Variants in CLIP1 observed in about 807,000 individuals in gnomAD.
CLIP1 encodes the protein CAP-Gly domain-containing linker protein 1.
In CLIP1, 66 loss-of-function variants were observed where a neutral mutation model predicts 161.6. The ratio of observed to expected loss-of-function variants is 0.41; its 90% CI spans 0.33 to 0.50. The LOEUF (loss-of-function observed/expected upper bound fraction) is 0.50, where lower values mean the gene tolerates loss of function less well. Ranked by LOEUF, CLIP1 falls within the 20% of genes least tolerant of loss-of-function variation. CLIP1 has a pLI of 0.27. For missense variants in CLIP1, 1,376 were observed against 1,702.0 expected, an observed-to-expected ratio of 0.81 and a Z score of 3.37; for synonymous variants, 598 against 626.2, an observed-to-expected ratio of 0.96 and a Z score of 0.67.
intron 17 of CLIP1, among the ~76,000 whole-genome samples, chr12:122,319,571 A>G (rs548254764): frequency 6.8e-4 from 103 of 152,368 alleles, no homozygotes; most frequent in Non-Finnish European, 6.0e-4. Flanking sequence ...CCATTTTTCA[A>G]TGTCAATTGT....
At chr12:122,306,529 A>T (rs1950880890) in intron 20 of CLIP1, among the ~76,000 whole-genome samples, 1 of 152,208 alleles carries the variant, frequency 6.6e-6, no homozygotes, top group Admixed American at 6.5e-5. Flanking sequence ...GCAGAAGCAC[A>T]CGATCCTGAC....
chr12:122,304,135 T>G (rs1226494163), intron 20 of CLIP1, among the ~76,000 whole-genome samples: 3 of 152,250 alleles, frequency 2.0e-5, no homozygotes, highest in South Asian at 2.1e-4. Flanking sequence ...GGTAAAATCC[T>G]GCGGTGGTGC....
intron 1 of CLIP1, among the ~76,000 whole-genome samples, chr12:122,406,539 A>G (rs1956334555): frequency 6.6e-6 from 1 of 152,224 alleles, no homozygotes; most frequent in Non-Finnish European, 1.5e-5. Flanking sequence ...GCTAACCTTA[A>G]GTGTTGATTT....
At chr12:122,321,874 T>C in intron 17 of CLIP1, among the ~76,000 whole-genome samples, 1 of 152,196 alleles carries the variant, frequency 6.6e-6, no homozygotes, top group East Asian at 1.9e-4. Context: ...GATTAAAAAA[T>C]AAATCCTTTT....
intron 1 of CLIP1, among the ~76,000 whole-genome samples, chr12:122,421,751 T>C (rs1314639465): frequency 1.3e-5 from 2 of 152,136 alleles, no homozygotes; most frequent in Non-Finnish European, 2.9e-5. Flanking sequence ...GGATTCAGGA[T>C]TCACCCCCGA....
Position 122,276,543 on chromosome 12 carries a change from A to T in CLIP1, c.3966+1611T>A. The T allele has an allele frequency of 6.6e-6, 8 of 1,213,736 alleles. No homozygotes were observed. The South Asian group carries it at 1.0e-4, about 16-fold the overall frequency. 75.2% of individuals were successfully genotyped at this position (1,213,736 alleles called of 1,614,324 possible). A position where few individuals can be genotyped will look rare whatever the true frequency, so the allele number is the denominator to read the frequency against. On this transcript the variant is annotated intron_variant, in intron 24 of 25. Transcript: ENST00000620786. ...CTGTTAGTTATTAAGCCCAGTAGACATACAAAGAGGACAATGCTAATCCAT... is the reference window on the plus strand; with the variant it reads ...CTGTTAGTTATTAAGCCCAGTAGACTTACAAAGAGGACAATGCTAATCCAT...
intron 3 of CLIP1, chr12:122,364,978 C>T (rs1017171781): frequency 2.2e-5 from 9 of 417,590 alleles, no homozygotes; most frequent in East Asian, 5.3e-5. Context: ...AGTAAACTAT[C>T]GCAAGGACAA....
At chr12:122,276,291 T>C (rs773017273) in intron 24 of CLIP1, 16 of 1,010,328 alleles carry the variant, frequency 1.6e-5, no homozygotes, top group African/African-American at 3.5e-5. Flanking sequence ...CCTTCACTTC[T>C]CAACGTGCAT....
chr12:122,326,639 G>A (rs887535935), intron 17 of CLIP1, among the ~76,000 whole-genome samples: 1 of 152,230 alleles, frequency 6.6e-6, no homozygotes, highest in East Asian at 1.9e-4. Context: ...TGACTGTGCC[G>A]CTGCACTCAG....
chr12:122,342,543 CT>C (rs1253835999), intron 10 of CLIP1: 2 of 152,138 alleles, frequency 1.3e-5, no homozygotes, highest in Non-Finnish European at 2.9e-5. Context: ...CACAAAATGT[CT>C]TGTGGGCCAA....
intron 20 of CLIP1, among the ~76,000 whole-genome samples, chr12:122,294,772 G>A (rs1288266319): frequency 6.6e-6 from 1 of 150,744 alleles, no homozygotes; most frequent in African/African-American, 2.4e-5. Context: ...AAATAGGGCC[G>A]GGTGCAGTGC....
At chr12:122,308,342 C>A (rs1366774580) in intron 20 of CLIP1, among the ~76,000 whole-genome samples, 3 of 152,202 alleles carry the variant, frequency 2.0e-5, no homozygotes, top group Admixed American at 6.5e-5. Flanking sequence ...CAGCACTTAG[C>A]CAAAGTCCTT....
intron 20 of CLIP1, 40 bp from the exon 21 acceptor site, chr12:122,288,581 C>A (rs554114276): frequency 1.9e-6 from 3 of 1,563,584 alleles, no homozygotes; most frequent in African/African-American, 2.7e-5. Flanking sequence ...CATAACCAGG[C>A]CACAGAAAGG....
intron 1 of CLIP1, among the ~76,000 whole-genome samples, chr12:122,387,590 ATTT>A (rs139790813): frequency 3.2e-4 from 2 of 6,266 alleles, no homozygotes; most frequent in African/African-American, 3.4e-4. Flanking sequence ...ATATATATAT[ATTT>A]TTTTTTTTTT....
rs1950959233 is a variant in CLIP1, at chr12:122,308,577, T to C, written c.3594+1185A>G. Among the ~76,000 whole-genome samples the C allele has an allele frequency of 3.9e-5, 6 of 152,330 alleles. No individual in the cohort carries two copies. The South Asian group carries it at 1.2e-3, about 32-fold the overall frequency. The stretch of plus-strand genomic sequence containing the variant: ...AGAAGATGACATCTCTTGACACTAG[T>C]CGCCAAATGATGCTGAACAAATTAC... On this transcript the variant is annotated intron_variant, in intron 20 of 25. Coordinates refer to ENST00000620786, the MANE Select transcript of CLIP1 (RefSeq NM_001247997.2).
rs1429365832 is a variant in CLIP1 at position 122,341,236 on chromosome 12, A to G, written c.1968T>C (p.Phe656=). Reference sequence around the variant, plus strand: ...TCTCTATTTGTGTTTTTAGTTCAGCAAATTCTGCCGTCTCTGTTCCAAGCC... The same window carrying G: ...TCTCTATTTGTGTTTTTAGTTCAGCGAATTCTGCCGTCTCTGTTCCAAGCC... ...SKGLGTETAE[F]AELKTQIEKM... is the part of the protein sequence containing the mutation. Residue 656 remains phenylalanine (F), a synonymous_variant, in exon 11 of 26, where the codon TTT becomes TTC. Transcript: ENST00000620786. 1.2e-6 allele frequency: 2 copies of G among 1,614,070 alleles called. No homozygotes were observed. Among genetic ancestry groups the G allele is most frequent in the Non-Finnish European group, 8.5e-7 (1 of 1,180,026 alleles).
At chr12:122,313,109 C>A (rs1362612022) in intron 19 of CLIP1, among the ~76,000 whole-genome samples, 1 of 152,186 alleles carries the variant, frequency 6.6e-6, no homozygotes, top group African/African-American at 2.4e-5. Context: ...TTCCATGGAA[C>A]GCTACCAGCG....
intron 19 of CLIP1, among the ~76,000 whole-genome samples, chr12:122,314,618 G>T (rs1951194511): frequency 6.6e-6 from 1 of 152,190 alleles, no homozygotes; most frequent in African/African-American, 2.4e-5. Context: ...TTGGCGGTGG[G>T]ATTATGGCAG....
Position 122,360,975 on chromosome 12 carries a change from G to A in CLIP1, c.989C>T (p.Pro330Leu). Reference sequence around the variant, plus strand: ...GGGCCTTACTAGTCCTGTCCGACTGGGCCTGCTGCTCACAGAGGAGGCCAC... The same window carrying A: ...GGGCCTTACTAGTCCTGTCCGACTGAGCCTGCTGCTCACAGAGGAGGCCAC... ...SSVASSVSSR[P>L]SRTGLLTETS... The change falls in exon 5 of 26, where the codon CCC (proline) becomes CTC (leucine). Residue 330 changes from proline (P) to leucine (L), a missense_variant. Physicochemically the swap from Pro to Leu is moderately conservative, Grantham distance 98 (BLOSUM62 -3). This residue lies in a region of CLIP1 where 211 missense variants were observed against 295.1 expected (regional missense o/e 0.72). Coordinates refer to ENST00000620786, the MANE Select transcript of CLIP1 (RefSeq NM_001247997.2). 1 of 1,613,268 alleles carries A rather than the reference G, an allele frequency of 6.2e-7. No individual in the cohort carries two copies. The highest frequency in any genetic ancestry group is 8.5e-7 in the Non-Finnish European group (1 of 1,179,898).
Sources: gnomAD v4.1 joint callset for allele counts (sites outside exome capture counted in the v4.1 genomes callset) on GRCh38, gnomAD v4.1.1 for gene constraint, gnomAD v4.1.1 regional missense constraint, MANE v1.5 for transcripts, NCBI Gene and HGNC (gene_info 2026-07-23, HGNC 2026-07-21) for gene names.